The following COL22A1 variants were observed in gnomAD, a reference collection of about 807,000 sequenced individuals.
COL22A1 encodes collagen type XXII alpha 1 chain.
In COL22A1, 221 loss-of-function variants were observed where a neutral mutation model predicts 248.9. The ratio of observed to expected loss-of-function variants is 0.89; its 90% confidence interval spans 0.80 to 0.99. The LOEUF is 0.99. COL22A1 is among the 50% of genes least tolerant of loss of function. The probability of loss-of-function intolerance (pLI) is 0.00; values close to 1 mark genes in which losing one functional copy is unlikely to be tolerated. For missense variants in COL22A1, 2,240 were observed against 2,179.0 expected (o/e 1.03, Z -0.56); for synonymous variants, 891 against 793.4 (o/e 1.12, Z -2.07).
Position 138,782,844 on chromosome 8 carries a change from C to G in COL22A1, c.1597-1864G>C, listed in dbSNP as rs78091374. ...GACAGACGGATCAATGGAAGCACCC[C>G]ACCAGCGCACCTGTGGCCTGGGAAA... On this transcript the variant is annotated intron_variant, in intron 12 of 64. Transcript: ENST00000303045. Among the ~76,000 whole-genome samples the G allele has an allele frequency of 4.6e-5, 7 of 152,302 alleles. No homozygotes were observed. In the East Asian group the frequency reaches 1.4e-3, roughly 29 times the overall value.
intron 17 of COL22A1, 149 bp downstream of exon 17, chr8:138,762,264 G>A (rs1010548081): frequency 2.0e-5 from 14 of 701,882 alleles, no homozygotes; most frequent in Admixed American, 2.7e-5. Flanking sequence ...CCACACAGCC[G>A]GGGTCTGGTC....
intron 16 of COL22A1, among the ~76,000 whole-genome samples, chr8:138,770,895 A>G (rs1320270): frequency 0.49 from 74,535 of 152,058 alleles, 19,340 homozygotes; most frequent in African/African-American, 0.65. Context: ...CTTTCTCTCT[A>G]TCCTCAAACC....
chr8:138,780,808 ACGT>A (rs1387241481), intron 13 of COL22A1, 116 bp downstream of exon 13: 1 of 814,302 alleles, frequency 1.2e-6, no homozygotes, highest in Non-Finnish European at 2.2e-6. Flanking sequence ...TAATATAAAT[ACGT>A]CCCCACTCAA....
chr8:138,610,927 A>C (rs376051281), intron 56 of COL22A1, among the ~76,000 whole-genome samples: 1 of 152,126 alleles, frequency 6.6e-6, no homozygotes, highest in African/African-American at 2.4e-5. Context: ...TTCGCTGGGC[A>C]TGGTGGTATG....
intron 27 of COL22A1, among the ~76,000 whole-genome samples, chr8:138,717,492 G>A (rs1266431202): frequency 6.6e-6 from 1 of 152,016 alleles, no homozygotes; most frequent in Non-Finnish European, 1.5e-5. Context: ...TAGAGACAGG[G>A]TCTCACTCTG....
At position 138,774,504 on chromosome 8, in the gene COL22A1, C is replaced by T. The variant is rs893082020; in HGVS notation, c.1803+1462G>A. On this transcript the variant is annotated intron_variant, in intron 16 of 64. Transcript: ENST00000303045. Reference sequence around the variant, plus strand: ...CACAATCTGGGCTCACTGCAACCTCCGCCTCCCAGGTTCAAGTGATTCTCC... The same window carrying T: ...CACAATCTGGGCTCACTGCAACCTCTGCCTCCCAGGTTCAAGTGATTCTCC... 8.6e-5 allele frequency among the ~76,000 whole-genome samples: 13 copies of T among 151,278 alleles called. No individual in the cohort carries two copies. In the South Asian group the frequency reaches 1.7e-3, roughly 20 times the overall value.
At chr8:138,746,883 A>G (rs1832159052) in intron 22 of COL22A1, among the ~76,000 whole-genome samples, 1 of 152,196 alleles carries the variant, frequency 6.6e-6, no homozygotes, top group African/African-American at 2.4e-5. Context: ...GGAGCCTTCT[A>G]ACTGGCCTCC....
At chr8:138,723,597 T>A (rs11776190) in intron 25 of COL22A1, among the ~76,000 whole-genome samples, 16,184 of 152,280 alleles carry the variant, frequency 0.11, 1,035 homozygotes, top group Non-Finnish European at 0.15. Flanking sequence ...GTGTTTGAGC[T>A]TTCAGATGAT....
chr8:138,657,999 C>T (rs11166833), intron 44 of COL22A1, among the ~76,000 whole-genome samples: 18,661 of 152,086 alleles, frequency 0.12, 2,000 homozygotes, highest in African/African-American at 0.29. Context: ...CCTCCATCCT[C>T]GTAAGTTTCT....
At chr8:138,840,457 C>T (rs1209411054) in intron 4 of COL22A1, among the ~76,000 whole-genome samples, 1 of 152,052 alleles carries the variant, frequency 6.6e-6, no homozygotes, top group African/African-American at 2.4e-5. Context: ...GGTCACCAAA[C>T]AGACTCTTTG....
At chr8:138,660,816 A>G (rs1180179250) in intron 43 of COL22A1, among the ~76,000 whole-genome samples, 2 of 54,672 alleles carry the variant, frequency 3.7e-5, no homozygotes, top group Non-Finnish European at 5.7e-5. Context: ...ACACATACAC[A>G]CATACACACA....
intron 30 of COL22A1, among the ~76,000 whole-genome samples, chr8:138,712,191 A>G (rs1324105047): frequency 6.6e-6 from 1 of 152,180 alleles, no homozygotes; most frequent in Non-Finnish European, 1.5e-5. Flanking sequence ...AAGGCACAGG[A>G]AGGTCAGGGA....
At chr8:138,819,417 C>T (rs1482077357) in intron 7 of COL22A1, among the ~76,000 whole-genome samples, 1 of 151,944 alleles carries the variant, frequency 6.6e-6, no homozygotes, top group African/African-American at 2.4e-5. Context: ...CATCAGTAAA[C>T]ATAGGGAAGG....
chr8:138,803,083 A>T (rs2131631878), intron 10 of COL22A1, 149 bp from the exon 11 acceptor site: 1 of 692,928 alleles, frequency 1.4e-6, no homozygotes, highest in Admixed American at 2.1e-5. Flanking sequence ...CACATGTCCC[A>T]CCCCTGGAGA....
rs775048110 is a variant in COL22A1 at position 138,591,470 on chromosome 8, T to C, written c.4647A>G (p.Ala1549=). ...GERGAKGDPG[A]PGVGLRGEMG... is the part of the protein sequence containing the mutation. The stretch of plus-strand genomic sequence containing the variant: ...TCTCGCCTCGGAGGCCAACTCCAGG[T>C]GCACCTGGGTCACCTTTGGCTCCTC... The change falls in exon 64 of 65, where the codon GCA becomes GCG. Residue 1549 remains alanine, a synonymous_variant. Transcript: ENST00000303045. The C allele has an allele frequency of 1.3e-6, 2 of 1,577,110 alleles. No individual in the cohort carries two copies. Among genetic ancestry groups the C allele is most frequent in the African/African-American group, 2.7e-5 (2 of 73,258 alleles).
intron 2 of COL22A1, among the ~76,000 whole-genome samples, chr8:138,881,406 G>A (rs1248563546): frequency 6.6e-6 from 1 of 152,048 alleles, no homozygotes; most frequent in South Asian, 2.1e-4. Context: ...CACTTTCTGG[G>A]TGGGTGTGGT....
At chr8:138,684,318 A>C in intron 39 of COL22A1, 107 bp downstream of exon 39, 2 of 802,700 alleles carry the variant, frequency 2.5e-6, no homozygotes, top group Admixed American at 3.5e-5. Flanking sequence ...GAGCTGAGAA[A>C]CATGGAAGTG....
Position 138,883,200 on chromosome 8 carries a change from C to A in COL22A1, c.-28G>T. 2 of 1,554,236 alleles carry A rather than the reference C, an allele frequency of 1.3e-6. No individual in the cohort carries two copies. The highest frequency in any genetic ancestry group is 1.7e-6 in the Non-Finnish European group (2 of 1,147,634). ...CTCTCCTGTTCTTGGGGACAGGCTTCTCTTGGCCAGGAAGAGACGCTGTTA... is the reference window on the plus strand; with the variant it reads ...CTCTCCTGTTCTTGGGGACAGGCTTATCTTGGCCAGGAAGAGACGCTGTTA... On this transcript the variant is annotated 5_prime_UTR_variant, in exon 2 of 65. Coordinates refer to ENST00000303045, the MANE Select transcript of COL22A1 (RefSeq NM_152888.3).
chr8:138,884,126 T>A (rs1824461192), intron 1 of COL22A1, among the ~76,000 whole-genome samples: 1 of 152,178 alleles, frequency 6.6e-6, no homozygotes, highest in South Asian at 2.1e-4. Flanking sequence ...CCTGGGAGCC[T>A]CTGGCAATGC....
Sources: allele counts gnomAD v4.1 joint callset (sites outside exome capture counted in the v4.1 genomes callset), GRCh38; gene constraint gnomAD v4.1.1; transcripts MANE v1.5; gene names NCBI Gene and HGNC (gene_info 2026-07-23, HGNC 2026-07-21).